Variants in EXT1 observed in about 807,000 individuals in gnomAD.
The protein encoded by EXT1 is exostosin glycosyltransferase 1, also known as exostosin-1.
EXT1 carries 20 observed loss-of-function variants against 82.5 expected under a neutral mutation model. The observed-to-expected ratio is 0.24, with a 90% confidence interval of 0.17 to 0.35. The LOEUF (loss-of-function observed/expected upper bound fraction) is 0.35, where lower values mean the gene tolerates loss of function less well. Among genes scored for constraint, EXT1 ranks in the 10% least tolerant of loss-of-function variants. EXT1 has a pLI of 1.00. For synonymous variants in EXT1, 348 were observed against 350.8 expected (o/e 0.99, Z 0.09); for missense variants, 757 against 936.5 (o/e 0.81, Z 2.50).
intron 1 of EXT1, among the ~76,000 whole-genome samples, chr8:117,954,744 G>A (rs892650642): frequency 6.6e-6 from 1 of 152,132 alleles, no homozygotes; most frequent in Non-Finnish European, 1.5e-5. Context: ...ATGTGGGGGG[G>A]ACCTGTTTCT....
Position 117,990,066 on chromosome 8 carries a change from G to A in EXT1, c.962+120019C>T, listed in dbSNP as rs561257467. ...TATGAGCCTGTAATCCCAGCTACTCGGGAGGCTGAGGCACGAGAATCACTT... is the reference window on the plus strand; with the variant it reads ...TATGAGCCTGTAATCCCAGCTACTCAGGAGGCTGAGGCACGAGAATCACTT... On this transcript the variant is annotated intron_variant, in intron 1 of 10. Coordinates refer to ENST00000378204, the MANE Select transcript of EXT1 (RefSeq NM_000127.3). Among the ~76,000 whole-genome samples the A allele has an allele frequency of 6.6e-5, 10 of 152,172 alleles. No individual in the cohort carries two copies. In the South Asian group the frequency reaches 1.0e-3, roughly 16 times the overall value.
At chr8:118,022,326 CTTTTTTTTTTTTTTTT>C (rs71307420) in intron 1 of EXT1, among the ~76,000 whole-genome samples, 2 of 46,176 alleles carry the variant, frequency 4.3e-5, no homozygotes, top group Admixed American at 3.6e-4. Flanking sequence ...CATATATATT[CTTTTTTTTTTTTTTTT>C]TTTTTTTTTT....
intron 7 of EXT1, among the ~76,000 whole-genome samples, chr8:117,815,525 C>A (rs1187465035): frequency 6.6e-6 from 1 of 152,174 alleles, no homozygotes; most frequent in African/African-American, 2.4e-5. Context: ...AATGGATTAG[C>A]ATGAGAGAAA....
intron 1 of EXT1, among the ~76,000 whole-genome samples, chr8:117,968,789 T>G (rs1814880419): frequency 1.5e-5 from 1 of 65,674 alleles, no homozygotes. Context: ...CAGGATGGTC[T>G]CGATCTCCTG....
In EXT1 at chr8:117,829,857, C is replaced by T. The variant is rs565162137; in HGVS notation, c.1284+373G>A. On this transcript the variant is annotated intron_variant, in intron 4 of 10. Coordinates refer to ENST00000378204, the MANE Select transcript of EXT1 (RefSeq NM_000127.3). Reference sequence around the variant, plus strand: ...AAGTGCTGAGATTACAGGAGTGAGCCGCTGTGCCAAGCCATTAAATATTTT... The same window carrying T: ...AAGTGCTGAGATTACAGGAGTGAGCTGCTGTGCCAAGCCATTAAATATTTT... Among the ~76,000 whole-genome samples the T allele has an allele frequency of 3.9e-5, 6 of 152,102 alleles. No individual in the cohort carries two copies. The East Asian group carries it at 7.7e-4, about 20-fold the overall frequency.
At chr8:118,094,937 GA>G (rs1817582886) in intron 1 of EXT1, among the ~76,000 whole-genome samples, 1 of 152,184 alleles carries the variant, frequency 6.6e-6, no homozygotes, top group African/African-American at 2.4e-5. Context: ...CTTCTCTCCA[GA>G]CAAAACTGTC....
chr8:117,969,021 C>T (rs147519208), intron 1 of EXT1, among the ~76,000 whole-genome samples: 1 of 152,264 alleles, frequency 6.6e-6, no homozygotes, highest in Admixed American at 6.5e-5. Context: ...AAAGCAGACC[C>T]AGTCCAGAGG....
chr8:117,931,054 G>A (rs1814051971), intron 1 of EXT1, among the ~76,000 whole-genome samples: 1 of 152,172 alleles, frequency 6.6e-6, no homozygotes, highest in Non-Finnish European at 1.5e-5. Flanking sequence ...TCCAGGAATT[G>A]CCCACCCATT....
chr8:117,805,409 A>G (rs967227989), intron 9 of EXT1, among the ~76,000 whole-genome samples: 2 of 152,194 alleles, frequency 1.3e-5, no homozygotes, highest in African/African-American at 4.8e-5. Flanking sequence ...CCTATAAACC[A>G]TATATATTTC....
chr8:117,921,846 TG>T (rs1342978926), intron 1 of EXT1, among the ~76,000 whole-genome samples: 1 of 152,238 alleles, frequency 6.6e-6, no homozygotes, highest in Admixed American at 6.5e-5. Flanking sequence ...CAATTATCCT[TG>T]ATTGTAATGT....
rs548786564 is a variant in EXT1, at chr8:117,828,366, A to G, written c.1284+1864T>C. ...GGAGTTCAAGACCACTCTGGGCAAC[A>G]TAACGAGACCTTGTCTCCACAAAAA... On this transcript the variant is annotated intron_variant, in intron 4 of 10. Transcript: ENST00000378204. Among the ~76,000 whole-genome samples the G allele has an allele frequency of 4.1e-4, 63 of 152,294 alleles. 1 individual carries two copies. In the East Asian group the frequency reaches 0.012, roughly 29 times the overall value.
At chr8:117,962,281 C>T (rs988551708) in intron 1 of EXT1, among the ~76,000 whole-genome samples, 11 of 152,138 alleles carry the variant, frequency 7.2e-5, no homozygotes, top group African/African-American at 4.8e-5. Flanking sequence ...AAACTGCTTA[C>T]GTTGCTTCTG....
chr8:118,017,817 T>C (rs1816029449), intron 1 of EXT1, among the ~76,000 whole-genome samples: 2 of 152,290 alleles, frequency 1.3e-5, no homozygotes, highest in East Asian at 1.9e-4. Context: ...CACACGATCA[T>C]GTACACACAT....
chr8:118,055,835 T>C (rs1180039087), intron 1 of EXT1, among the ~76,000 whole-genome samples: 2 of 152,218 alleles, frequency 1.3e-5, no homozygotes, highest in East Asian at 1.9e-4. Context: ...TAACATCTAT[T>C]ATGAAAAATG....
intron 1 of EXT1, among the ~76,000 whole-genome samples, chr8:117,838,760 G>C (rs1225563029): frequency 6.6e-6 from 1 of 151,966 alleles, no homozygotes; most frequent in Non-Finnish European, 1.5e-5. Context: ...CTAATAGATG[G>C]AGCAGAGAGA....
At chr8:117,971,803 A>C (rs1814945577) in intron 1 of EXT1, among the ~76,000 whole-genome samples, 1 of 152,186 alleles carries the variant, frequency 6.6e-6, no homozygotes, top group Admixed American at 6.6e-5. Flanking sequence ...ATTTTTCCAA[A>C]AGGAAATTTT....
chr8:118,060,868 G>A (rs1325403054), intron 1 of EXT1, among the ~76,000 whole-genome samples: 1 of 152,168 alleles, frequency 6.6e-6, no homozygotes, highest in Admixed American at 6.5e-5. Flanking sequence ...GCAATTTGAG[G>A]AAGACTTATC....
At chr8:118,024,128 T>A (rs1303080943) in intron 1 of EXT1, among the ~76,000 whole-genome samples, 1 of 152,218 alleles carries the variant, frequency 6.6e-6, no homozygotes, top group Non-Finnish European at 1.5e-5. Flanking sequence ...AAACAGGGAC[T>A]ACTTATGTTT....
At chr8:117,914,853 A>G (rs4644291) in intron 1 of EXT1, among the ~76,000 whole-genome samples, 97,225 of 151,692 alleles carry the variant, frequency 0.64, 31,878 homozygotes, top group Middle Eastern at 0.83. Context: ...TTCTGCTTTT[A>G]CCCTTTGCCT....
Sources: allele counts gnomAD v4.1 joint callset (sites outside exome capture counted in the v4.1 genomes callset), GRCh38; gene constraint gnomAD v4.1.1; transcripts MANE v1.5; gene names NCBI Gene and HGNC (gene_info 2026-07-23, HGNC 2026-07-21).